The following CDH12 variants were observed in gnomAD, a reference collection of about 807,000 sequenced individuals.
CDH12 encodes the protein cadherin-12.
Under a neutral mutation model 74.1 loss-of-function variants are expected in CDH12, and 41 were observed. The observed-to-expected ratio is 0.55, with a 90% CI of 0.43 to 0.72. CDH12 has a LOEUF of 0.72. Among genes scored for constraint, CDH12 ranks in the 30% least tolerant of loss-of-function variants. The pLI, the probability that CDH12 is intolerant of heterozygous loss-of-function variation, is 0.00. For missense variants in CDH12, 945 were observed against 977.2 expected (o/e 0.97, Z 0.44); for synonymous variants, 399 against 355.0 (o/e 1.12, Z -1.39).
intron 2 of CDH12, among the ~76,000 whole-genome samples, chr5:22,489,666 T>C (rs1003081096): frequency 6.6e-6 from 1 of 151,996 alleles, no homozygotes; most frequent in African/African-American, 2.4e-5. Context: ...TTAAAACTGC[T>C]TTGTGATGCC....
intron 4 of CDH12, among the ~76,000 whole-genome samples, chr5:22,131,676 T>C (rs1300043501): frequency 1.3e-5 from 2 of 152,124 alleles, no homozygotes; most frequent in Admixed American, 6.6e-5. Flanking sequence ...ACTCTTTAGG[T>C]AGAATGGAAG....
At chr5:22,569,173 C>G (rs1413046866) in intron 1 of CDH12, among the ~76,000 whole-genome samples, 1 of 152,164 alleles carries the variant, frequency 6.6e-6, no homozygotes, top group African/African-American at 2.4e-5. Flanking sequence ...TGTCCCTCCC[C>G]AAATCTCATG....
At chr5:22,790,247 AG>A (rs1747839667) in intron 1 of CDH12, among the ~76,000 whole-genome samples, 1 of 152,112 alleles carries the variant, frequency 6.6e-6, no homozygotes, top group African/African-American at 2.4e-5. Flanking sequence ...GAAATAACAG[AG>A]GGGAAAAAAA....
chr5:22,364,216 T>C (rs1240925810), intron 3 of CDH12, among the ~76,000 whole-genome samples: 1 of 152,156 alleles, frequency 6.6e-6, no homozygotes, highest in African/African-American at 2.4e-5. Context: ...AAGGATATTA[T>C]CAATTATAGG....
At chr5:22,556,408 C>G (rs1327539708) in intron 1 of CDH12, among the ~76,000 whole-genome samples, 4 of 151,982 alleles carry the variant, frequency 2.6e-5, no homozygotes, top group African/African-American at 9.7e-5. Flanking sequence ...TCCACAGAAA[C>G]GTGAGAAAAG....
At chr5:21,892,204 T>C (rs1752930286) in intron 6 of CDH12, among the ~76,000 whole-genome samples, 1 of 152,168 alleles carries the variant, frequency 6.6e-6, no homozygotes, top group South Asian at 2.1e-4. Context: ...ATAATGCTAG[T>C]AATTCCCTTT....
chr5:22,474,825 C>G (rs983150609), intron 2 of CDH12, among the ~76,000 whole-genome samples: 5 of 152,028 alleles, frequency 3.3e-5, no homozygotes, highest in Non-Finnish European at 7.4e-5. Flanking sequence ...AGGTCCAACT[C>G]TCATATTTTC....
At chr5:22,748,639 GAGTACACCA>G (rs1745408791) in intron 1 of CDH12, among the ~76,000 whole-genome samples, 1 of 152,056 alleles carries the variant, frequency 6.6e-6, no homozygotes, top group Non-Finnish European at 1.5e-5. Flanking sequence ...TCTGTGTATA[GAGTACACCA>G]AGGACTCAAT....
At chr5:22,194,212 A>G (rs542978569) in intron 4 of CDH12, among the ~76,000 whole-genome samples, 140 of 152,182 alleles carry the variant, frequency 9.2e-4, no homozygotes, top group African/African-American at 2.7e-3. Flanking sequence ...TTCAGGTACC[A>G]GGCTTGTGAG....
At chr5:22,416,178 C>G (rs1029720088) in intron 2 of CDH12, among the ~76,000 whole-genome samples, 1 of 147,174 alleles carries the variant, frequency 6.8e-6, no homozygotes, top group South Asian at 2.2e-4. Flanking sequence ...AGGTTCACGC[C>G]ATTCTCCTGC....
chr5:22,674,259 C>T (rs546602704), intron 1 of CDH12, among the ~76,000 whole-genome samples: 1 of 152,202 alleles, frequency 6.6e-6, no homozygotes, highest in South Asian at 2.1e-4. Flanking sequence ...ATCATAGGGG[C>T]AGGTCTTTTC....
chr5:22,691,549 A>C (rs1364282679), intron 1 of CDH12, among the ~76,000 whole-genome samples: 1 of 152,238 alleles, frequency 6.6e-6, no homozygotes, highest in Non-Finnish European at 1.5e-5. Context: ...CTTTTAATGT[A>C]ATGATTTCCA....
chr5:22,654,643 TG>T (rs1739934849), intron 1 of CDH12, among the ~76,000 whole-genome samples: 1 of 151,466 alleles, frequency 6.6e-6, no homozygotes, highest in East Asian at 1.9e-4. Context: ...TTTTTGTTGT[TG>T]TTGTTGTTTT....
intron 3 of CDH12, among the ~76,000 whole-genome samples, chr5:22,361,743 T>C (rs1318834584): frequency 6.6e-6 from 1 of 152,030 alleles, no homozygotes; most frequent in East Asian, 1.9e-4. Context: ...TATAGACCAA[T>C]GGAACAGAAC....
chr5:22,053,859 C>G (rs982975248), intron 5 of CDH12, among the ~76,000 whole-genome samples: 5 of 152,062 alleles, frequency 3.3e-5, no homozygotes, highest in African/African-American at 1.2e-4. Flanking sequence ...AGCCATATTT[C>G]CCTCTGCCTT....
chr5:22,560,445 T>G (rs10053408), intron 1 of CDH12, among the ~76,000 whole-genome samples: 23,629 of 152,096 alleles, frequency 0.16, 2,428 homozygotes, highest in East Asian at 0.37. Flanking sequence ...TAAGAGGTGC[T>G]TACTGTATCT....
chr5:22,825,460 A>C (rs1391570728), intron 1 of CDH12, among the ~76,000 whole-genome samples: 1 of 152,186 alleles, frequency 6.6e-6, no homozygotes, highest in East Asian at 1.9e-4. Context: ...AAGCCAAGCA[A>C]ATATCTGATA....
chr5:22,327,371 G>A lies in CDH12; in HGVS notation c.-333+77886C>T, dbSNP rs200571010. 3.5e-4 allele frequency among the ~76,000 whole-genome samples: 52 copies of A among 150,636 alleles called. 1 individual carries two copies. The East Asian group carries it at 5.9e-3, about 17-fold the overall frequency. On this transcript the variant is annotated intron_variant, in intron 3 of 14. Coordinates refer to ENST00000382254, the MANE Select transcript of CDH12 (RefSeq NM_004061.5). ...TAAATTGTCAGTATTTTATTATTTT[G>A]TATTAAAATGGCAGCTTACCATGAG...
At chr5:22,211,693 G>A (rs547091303) in intron 4 of CDH12, among the ~76,000 whole-genome samples, 1 of 151,874 alleles carries the variant, frequency 6.6e-6, no homozygotes, top group South Asian at 2.1e-4. Flanking sequence ...CTGGATAATT[G>A]CCCTAAATGA....
Sources: allele counts gnomAD v4.1 joint callset (sites outside exome capture counted in the v4.1 genomes callset), GRCh38; gene constraint gnomAD v4.1.1; transcripts MANE v1.5; gene names NCBI Gene and HGNC (gene_info 2026-07-23, HGNC 2026-07-21).